The following ZBTB11 variants were observed in gnomAD, a reference collection of about 807,000 sequenced individuals.
ZBTB11 encodes the protein zinc finger and BTB domain containing 11.
Under a neutral mutation model 113.1 loss-of-function variants are expected in ZBTB11, and 68 were observed. The observed-to-expected ratio is 0.60, with a 90% CI of 0.49 to 0.74. ZBTB11 has a LOEUF of 0.74. Among genes scored for constraint, ZBTB11 ranks in the 30% least tolerant of loss-of-function variants. The pLI is 0.00. For missense variants in ZBTB11, 1,104 were observed against 1,279.4 expected, an observed-to-expected ratio of 0.86 and a Z score of 2.09; for synonymous variants, 518 against 452.6, an observed-to-expected ratio of 1.14 and a Z score of -1.83.
At chr3:101,672,797 G>A (rs749673592) in intron 1 of ZBTB11, among the ~76,000 whole-genome samples, 3 of 152,212 alleles carry the variant, frequency 2.0e-5, no homozygotes, top group Non-Finnish European at 4.4e-5. Flanking sequence ...GCTTGACCGT[G>A]TGATTTGATT....
At chr3:101,661,906 TTGTC>T (rs1371585446) in intron 5 of ZBTB11, among the ~76,000 whole-genome samples, 1 of 152,116 alleles carries the variant, frequency 6.6e-6, no homozygotes, top group African/African-American at 2.4e-5. Flanking sequence ...CATTTCTAAC[TTGTC>T]TTTTTGCTCT....
Position 101,665,571 on chromosome 3 carries a change from C to A in ZBTB11, c.1016G>T (p.Gly339Val), listed in dbSNP as rs145077673. ...STQDLRVQNG[G>V]TAPPVASSEG... ...ACTGCTAGCAACAGGAGGTGCTGTACCTCCATTCTGTACTCGTAAGTCCTG... is the reference window on the plus strand; with the variant it reads ...ACTGCTAGCAACAGGAGGTGCTGTAACTCCATTCTGTACTCGTAAGTCCTG... Residue 339 changes from glycine (G) to valine (V), a missense_variant, in exon 4 of 11, where the codon GGT becomes GTT. Physicochemically the swap from Gly to Val is moderately radical, Grantham distance 109 (BLOSUM62 -3). Transcript: ENST00000312938. 43 of 1,614,124 alleles carry A rather than the reference C, an allele frequency of 2.7e-5. No individual in the cohort carries two copies. The Admixed American group carries it at 6.3e-4, about 24-fold the overall frequency.
chr3:101,656,069 G>T, intron 7 of ZBTB11, 35 bp downstream of exon 7: 1 of 1,408,978 alleles, frequency 7.1e-7, no homozygotes, highest in Non-Finnish European at 9.5e-7. Context: ...AATAGTTTAT[G>T]AAATGTAACT....
intron 5 of ZBTB11, among the ~76,000 whole-genome samples, chr3:101,663,421 T>C (rs920790593): frequency 6.6e-6 from 1 of 152,166 alleles, no homozygotes; most frequent in African/African-American, 2.4e-5. Flanking sequence ...ATCCCTAATA[T>C]CTGTTCATAT....
At chr3:101,654,426 G>T (rs972721612) in intron 8 of ZBTB11, among the ~76,000 whole-genome samples, 2 of 152,094 alleles carry the variant, frequency 1.3e-5, no homozygotes, top group African/African-American at 4.8e-5. Context: ...GAAGAGGGGG[G>T]GAAAGAAACT....
In ZBTB11 at chr3:101,677,040, T is replaced by G. The variant is rs1937189502; in HGVS notation, c.-126A>C. On this transcript the variant is annotated 5_prime_UTR_variant, in exon 1 of 11. Transcript: ENST00000312938. ...AAACGGCTGCGCCTTTGGCGAGCGC[T>G]CTTCGACGGCTCCCTTAGTCCGAAG... 2 of 1,076,794 alleles carry G rather than the reference T, an allele frequency of 1.9e-6. No individual in the cohort carries two copies. Among genetic ancestry groups the G allele is most frequent in the East Asian group, 5.7e-5 (2 of 35,114 alleles). 66.7% of individuals were successfully genotyped at this position (1,076,794 alleles called of 1,614,324 possible).
rs770060776 is a variant in ZBTB11 at position 101,677,001 on chromosome 3, G to A, written c.-87C>T. On this transcript the variant is annotated 5_prime_UTR_variant, in exon 1 of 11. Coordinates refer to ENST00000312938, the MANE Select transcript of ZBTB11 (RefSeq NM_014415.4). ...TACGGGCGGCTGCAGGAGGAGCGGC[G>A]GCACCGTAGGGAGAAACGGCTGCGC... is the stretch of plus-strand genomic sequence containing the variant. 1.5e-4 allele frequency: 205 copies of A among 1,400,118 alleles called. No homozygotes were observed. Among genetic ancestry groups the A allele is most frequent in the Non-Finnish European group, 1.8e-4 (193 of 1,052,342 alleles). The allele number at this position is 1,400,118 out of a possible 1,614,324, so 86.7% of individuals were successfully genotyped here.
rs1191300324 is a variant in ZBTB11 at position 101,671,911 on chromosome 3, T to A, written c.546+67A>T. Reference sequence around the variant, plus strand: ...GTCTTAGTGGTTTGAGAAAAATAAGTCACCAAGGCTGCAAATACTAGTACA... The same window carrying A: ...GTCTTAGTGGTTTGAGAAAAATAAGACACCAAGGCTGCAAATACTAGTACA... On this transcript the variant is annotated intron_variant, in intron 2 of 10. Transcript: ENST00000312938. The A allele has an allele frequency of 3.1e-6, 4 of 1,275,188 alleles. No homozygotes were observed. The East Asian group carries it at 9.2e-5, about 29-fold the overall frequency. The allele number at this position is 1,275,188 out of a possible 1,614,324, so 79.0% of individuals were successfully genotyped here.
intron 5 of ZBTB11, chr3:101,661,977 G>A (rs919768739): frequency 4.0e-5 from 6 of 150,604 alleles, no homozygotes; most frequent in African/African-American, 1.5e-4. Flanking sequence ...TTTTTTATAT[G>A]GTATTATATA....
chr3:101,665,839 A>C, intron 3 of ZBTB11, 31 bp from the exon 4 acceptor site: 1 of 1,535,116 alleles, frequency 6.5e-7, no homozygotes, highest in Non-Finnish European at 8.7e-7. Flanking sequence ...TAAAGACAAA[A>C]AAGTCAATTA....
intron 5 of ZBTB11, among the ~76,000 whole-genome samples, chr3:101,662,655 T>C (rs1357668345): frequency 1.3e-5 from 2 of 152,190 alleles, no homozygotes; most frequent in Non-Finnish European, 2.9e-5. Context: ...CAGTACATGG[T>C]TGTTTTGTAA....
In ZBTB11 at chr3:101,651,170, T is replaced by A; in HGVS notation, c.3158A>T (p.Glu1053Val). ...KVEVAHISGG[E>V] ...TTTTTATCTTCATTAACATACTCAT[T>A]CTCCTCCTGAAATATGTGCTACCTC... is the stretch of plus-strand genomic sequence containing the variant. Residue 1053 changes from glutamate to valine, a missense_variant, in exon 11 of 11, where the codon GAA (glutamate) becomes GTA (valine). Physicochemically the swap from Glu to Val is moderately radical, Grantham distance 121. Coordinates refer to ENST00000312938, the MANE Select transcript of ZBTB11 (RefSeq NM_014415.4). 6.3e-7 allele frequency: 1 copy of A among 1,575,338 alleles called. No individual in the cohort carries two copies. Among genetic ancestry groups the A allele is most frequent in the African/African-American group, 1.4e-5 (1 of 73,662 alleles).
At chr3:101,669,932 G>A (rs749306768) in intron 3 of ZBTB11, among the ~76,000 whole-genome samples, 2 of 151,790 alleles carry the variant, frequency 1.3e-5, no homozygotes, top group Non-Finnish European at 2.9e-5. Context: ...AGGTTCAAGC[G>A]ATTCTCCTGC....
intron 3 of ZBTB11, chr3:101,670,919 C>A: frequency 1.9e-6 from 1 of 530,236 alleles, no homozygotes; most frequent in South Asian, 3.1e-5. Flanking sequence ...ATAATTGTCT[C>A]ACTTAAGACG....
At position 101,676,943 on chromosome 3, in the gene ZBTB11, G is replaced by A. The variant is rs1262645092; in HGVS notation, c.-29C>T. The A allele has an allele frequency of 2.0e-6, 3 of 1,532,982 alleles. No homozygotes were observed. Among genetic ancestry groups the A allele is most frequent in the African/African-American group, 1.4e-5 (1 of 71,980 alleles). The allele number at this position is 1,532,982 out of a possible 1,614,324, so 95.0% of individuals were successfully genotyped here. On this transcript the variant is annotated 5_prime_UTR_variant, in exon 1 of 11. Transcript: ENST00000312938. ...GGACCGCGGCTCCCTGAGGGCGCCT[G>A]TCAGGGACAGGTGAGGAAAACGGCC...
In ZBTB11 at chr3:101,665,095, GGC is replaced by G. The variant is rs745749226; in HGVS notation, c.1490_1491del (p.Gly497AlafsTer2). On this transcript the variant is annotated frameshift_variant, in exon 4 of 11. Coordinates refer to ENST00000312938, the MANE Select transcript of ZBTB11 (RefSeq NM_014415.4). LOFTEE classifies it high-confidence loss of function. ...CTGCTTCTATAAGTATCATCATCAG[GGC>G]CAAAGTCTGTCTTTGCTGTTGATGC... ...LVASTAKTDF[G>X]PDDDTYRSRL... 1 of 1,613,866 alleles carries G rather than the reference GGC, an allele frequency of 6.2e-7. No homozygotes were observed. Among genetic ancestry groups the G allele is most frequent in the Non-Finnish European group, 8.5e-7 (1 of 1,179,978 alleles).
In ZBTB11 at chr3:101,649,396, A is replaced by T. The variant is rs1576641128; in HGVS notation, c.*1770T>A. ...TAACTTAATAACACATCAAGTAACA[A>T]CTGATTTATGAACTGAAAATAGTAA... On this transcript the variant is annotated 3_prime_UTR_variant, in exon 11 of 11. Coordinates refer to ENST00000312938, the MANE Select transcript of ZBTB11 (RefSeq NM_014415.4). 1.3e-5 allele frequency: 2 copies of T among 152,370 alleles called. No individual in the cohort carries two copies. Among genetic ancestry groups the T allele is most frequent in the Middle Eastern group, 6.8e-3 (2 of 294 alleles). 9.4% of individuals were successfully genotyped at this position (152,370 alleles called of 1,614,324 possible). A position where few individuals can be genotyped will look rare whatever the true frequency, so the allele number is the denominator to read the frequency against.
At chr3:101,651,941 C>G (rs947859100) in intron 10 of ZBTB11, among the ~76,000 whole-genome samples, 3 of 152,164 alleles carry the variant, frequency 2.0e-5, no homozygotes, top group South Asian at 4.2e-4. Flanking sequence ...CCAGCCTGAC[C>G]AACATGGTGA....
rs769355748 is a variant in ZBTB11 at position 101,663,915 on chromosome 3, A to C, written c.1800+623T>G. On this transcript the variant is annotated intron_variant, in intron 5 of 10. Transcript: ENST00000312938. ...AAAAACAAAACAAAACAAAACAAAA[A>C]CTTAATATTCAGTAAGCTTTTACTC... Among the ~76,000 whole-genome samples, 9 of 151,862 alleles carry C rather than the reference A, an allele frequency of 5.9e-5. 1 individual carries two copies. The East Asian group carries it at 1.7e-3, about 29-fold the overall frequency.
Sources: allele counts gnomAD v4.1 joint callset (sites outside exome capture counted in the v4.1 genomes callset), GRCh38; gene constraint gnomAD v4.1.1; transcripts MANE v1.5; gene names NCBI Gene and HGNC (gene_info 2026-07-23, HGNC 2026-07-21).